LRRC37A2: variants seen among roughly 807,000 people sequenced by gnomAD.
LRRC37A2 encodes leucine rich repeat containing 37 member A2, also known as leucine-rich repeat-containing protein 37A2.
LRRC37A2 carries 9 observed loss-of-function variants against 68.8 expected under a neutral mutation model. The ratio of observed to expected loss-of-function variants is 0.13; its 90% CI spans 0.08 to 0.23. The LOEUF (loss-of-function observed/expected upper bound fraction) is 0.23. LRRC37A2 is among the 10% of genes least tolerant of loss of function. LRRC37A2 has a pLI of 1.00. For synonymous variants in LRRC37A2, 63 were observed against 367.6 expected, an observed-to-expected ratio of 0.17 and a Z score of 9.48; for missense variants, 168 against 950.4, an observed-to-expected ratio of 0.18 and a Z score of 10.82.
At chr17:46,529,648 A>G (rs2053368894) in intron 6 of LRRC37A2, among the ~76,000 whole-genome samples, 2 of 73,496 alleles carry the variant, frequency 2.7e-5, no homozygotes. Context: ...AATCTCTACA[A>G]AAAGACTTTT....
chr17:46,941,873 A>G, the LRRC37A2 span: 2 of 962,260 alleles, frequency 2.1e-6, no homozygotes, highest in East Asian at 1.1e-4. Context: ...GGTGTTAGCC[A>G]CTGTACCTGG....
chr17:46,919,236 G>A, the LRRC37A2 span, among the ~76,000 whole-genome samples: 1 of 152,220 alleles, frequency 6.6e-6, no homozygotes, highest in Non-Finnish European at 1.5e-5. Context: ...GGACTCTGGT[G>A]AGCCTAGAAA....
At chr17:46,932,173 C>A in the LRRC37A2 span, 9 of 1,614,144 alleles carry the variant, frequency 5.6e-6, no homozygotes, top group Middle Eastern at 1.6e-4. Context: ...GCGAGAAGAG[C>A]TTCTGTCTCG....
At chr17:46,749,223 A>C in the LRRC37A2 span, among the ~76,000 whole-genome samples, 1 of 152,260 alleles carries the variant, frequency 6.6e-6, no homozygotes, top group African/African-American at 2.4e-5. Flanking sequence ...CATAGTTTTT[A>C]AACTTTTTTT....
chr17:46,497,873 T>C, the LRRC37A2 span, among the ~76,000 whole-genome samples: 8 of 149,348 alleles, frequency 5.4e-5, no homozygotes, highest in Non-Finnish European at 8.8e-5. Flanking sequence ...GTGATAGTCC[T>C]CAGCATTTAG....
chr17:46,873,223 A>G, the LRRC37A2 span, among the ~76,000 whole-genome samples: 1 of 151,568 alleles, frequency 6.6e-6, no homozygotes, highest in Non-Finnish European at 1.5e-5. Flanking sequence ...TCACTCCTTT[A>G]TCTGTCCCTT....
the LRRC37A2 span, among the ~76,000 whole-genome samples, chr17:46,406,324 C>G: frequency 1.0e-3 from 3 of 2,928 alleles, no homozygotes; most frequent in Admixed American, 4.5e-3. Flanking sequence ...GATAGTTTTA[C>G]CCTTTTAGAG....
At chr17:46,885,219 T>A in the LRRC37A2 span, 67 of 309,476 alleles carry the variant, frequency 2.2e-4, no homozygotes, top group Middle Eastern at 1.2e-3. Context: ...TTGGTCAGGC[T>A]GGTCTCGAAC....
the LRRC37A2 span, chr17:46,872,786 G>C: frequency 6.4e-7 from 1 of 1,565,408 alleles, no homozygotes; most frequent in Non-Finnish European, 8.7e-7. Flanking sequence ...GGGGAGGAGG[G>C]CTAGGGGACG....
the LRRC37A2 span, among the ~76,000 whole-genome samples, chr17:46,469,605 A>G: frequency 1.8e-5 from 1 of 56,184 alleles, no homozygotes; most frequent in East Asian, 3.1e-4. Flanking sequence ...GTATCTTGCT[A>G]TCCTTTTTTA....
At chr17:47,011,026 C>A in the LRRC37A2 span, among the ~76,000 whole-genome samples, 1 of 152,026 alleles carries the variant, frequency 6.6e-6, no homozygotes. Flanking sequence ...AAGAATGGTC[C>A]CAAGCTCAGG....
downstream of LRRC37A2, chr17:46,558,893 G>GT (rs2057453765): frequency 1.0e-5 from 1 of 99,862 alleles, no homozygotes; most frequent in East Asian, 3.3e-4. Context: ...GCCCAGGCTG[G>GT]TTTTGAACTC....
the LRRC37A2 span, among the ~76,000 whole-genome samples, chr17:46,929,123 G>A: frequency 6.6e-6 from 1 of 152,170 alleles, no homozygotes; most frequent in African/African-American, 2.4e-5. Flanking sequence ...CCAGTGCTTA[G>A]CACATTAGGT....
the LRRC37A2 span, among the ~76,000 whole-genome samples, chr17:46,985,239 A>G: frequency 6.6e-6 from 1 of 152,234 alleles, no homozygotes; most frequent in Admixed American, 6.6e-5. Context: ...GGAAGTACCC[A>G]GGCAGTTCAG....
the LRRC37A2 span, among the ~76,000 whole-genome samples, chr17:46,848,977 G>T: frequency 3.7e-4 from 57 of 152,200 alleles, no homozygotes; most frequent in African/African-American, 1.3e-3. Context: ...AGCTGCTGTG[G>T]AATTATTATT....
the LRRC37A2 span, among the ~76,000 whole-genome samples, chr17:46,790,110 C>T: frequency 1.3e-5 from 2 of 152,156 alleles, no homozygotes; most frequent in African/African-American, 2.4e-5. Flanking sequence ...CAGTCCAGAG[C>T]GAGCCTCAAC....
the LRRC37A2 span, among the ~76,000 whole-genome samples, chr17:46,786,523 G>C: frequency 1.3e-5 from 2 of 152,374 alleles, no homozygotes; most frequent in East Asian, 3.9e-4. Context: ...AAGCCCACAG[G>C]TGGGCAAGTG....
the LRRC37A2 span, chr17:46,768,820 C>T: frequency 6.2e-7 from 1 of 1,610,330 alleles, no homozygotes. This position sits in a 1 kb window ranked among gnomAD's most constrained non-coding sequence, Gnocchi z 5.0. Flanking sequence ...GAAGTGGCAG[C>T]TGGCCAACAG....
the LRRC37A2 span, among the ~76,000 whole-genome samples, chr17:46,707,378 T>G: frequency 1.3e-5 from 2 of 152,222 alleles, no homozygotes; most frequent in Non-Finnish European, 2.9e-5. Flanking sequence ...TTGTATTGTG[T>G]TAAAATACAT....
Sources: gnomAD v4.1 joint callset for allele counts (sites outside exome capture counted in the v4.1 genomes callset) on GRCh38, gnomAD v4.1.1 for gene constraint, Gnocchi (gnomAD v3.1) non-coding constraint, MANE v1.5 for transcripts, NCBI Gene and HGNC (gene_info 2026-07-23, HGNC 2026-07-21) for gene names.